The following KAT7 variants were observed in gnomAD, a reference collection of about 807,000 sequenced individuals.
KAT7 encodes lysine acetyltransferase 7, also known as histone acetyltransferase KAT7.
A neutral mutation model predicts 82.1 loss-of-function variants in KAT7; 10 were observed. That is an observed-to-expected ratio of 0.12 (90% CI 0.08 to 0.21). The LOEUF is 0.21. KAT7 is among the 10% of genes least tolerant of loss of function. The pLI, the probability that KAT7 is intolerant of heterozygous loss-of-function variation, is 1.00. For missense variants in KAT7, 378 were observed against 760.9 expected (o/e 0.50, Z 5.92); for synonymous variants, 250 against 262.5 (o/e 0.95, Z 0.46).
intron 9 of KAT7, among the ~76,000 whole-genome samples, chr17:49,819,765 A>G (rs1428743737): frequency 3.9e-5 from 6 of 152,180 alleles, no homozygotes; most frequent in African/African-American, 1.4e-4. Context: ...CTGTTTCTGA[A>G]CAAATAATAA....
chr17:49,821,233 G>T, intron 9 of KAT7, 104 bp from the exon 10 acceptor site: 1 of 753,460 alleles, frequency 1.3e-6, no homozygotes, highest in South Asian at 1.8e-5. Flanking sequence ...CCAACTGTCC[G>T]GTAGCTCAGT....
At chr17:49,802,122 T>C (rs541162386) in intron 4 of KAT7, among the ~76,000 whole-genome samples, 57 of 152,332 alleles carry the variant, frequency 3.7e-4, no homozygotes, top group African/African-American at 1.1e-3. Context: ...TTTCATTATA[T>C]TGATAGTTTA....
intron 4 of KAT7, among the ~76,000 whole-genome samples, chr17:49,804,533 T>G (rs1469948173): frequency 6.6e-6 from 1 of 152,180 alleles, no homozygotes. Flanking sequence ...CCTAGCACTT[T>G]GGGAGGCGGA....
chr17:49,812,798 G>C (rs2074184557), intron 7 of KAT7, among the ~76,000 whole-genome samples: 1 of 151,966 alleles, frequency 6.6e-6, no homozygotes, highest in Non-Finnish European at 1.5e-5. Flanking sequence ...CTGCCTCCTG[G>C]GTTCAAGCAG....
At chr17:49,815,955 G>A (rs1365618730) in intron 8 of KAT7, 42 bp downstream of exon 8, 2 of 1,170,172 alleles carry the variant, frequency 1.7e-6, no homozygotes, top group African/African-American at 3.0e-5. Context: ...CTTGTGAAAG[G>A]TGCTTAGAGT....
At chr17:49,800,569 G>T (rs781533760) in intron 4 of KAT7, among the ~76,000 whole-genome samples, 32 of 152,060 alleles carry the variant, frequency 2.1e-4, no homozygotes, top group Non-Finnish European at 4.1e-4. Context: ...CTCTGCTTCT[G>T]CTTGTTACTA....
chr17:49,807,359 GA>G (rs1284928140), intron 5 of KAT7, among the ~76,000 whole-genome samples: 5 of 152,176 alleles, frequency 3.3e-5, no homozygotes. Context: ...GGACGTGAAT[GA>G]TGGCAAAGAA....
At chr17:49,791,256 T>A (rs2073884560) in intron 1 of KAT7, among the ~76,000 whole-genome samples, 1 of 152,242 alleles carries the variant, frequency 6.6e-6, no homozygotes, top group Non-Finnish European at 1.5e-5. Context: ...CTACTCTAAG[T>A]TAAATGAGGT....
chr17:49,817,550 G>A (rs1256585606), intron 8 of KAT7, among the ~76,000 whole-genome samples: 2 of 152,120 alleles, frequency 1.3e-5, no homozygotes, highest in East Asian at 1.9e-4. Context: ...TCGGTTCACC[G>A]CAGCCTCTGC....
rs1166737457 is a variant in KAT7 at position 49,796,923 on chromosome 17, A to C, written c.337A>C (p.Arg113=). 1 of 1,614,032 alleles carries C rather than the reference A, an allele frequency of 6.2e-7. No homozygotes were observed. The highest frequency in any genetic ancestry group is 1.1e-5 in the South Asian group (1 of 91,080). ...ETEQVVDFSD[R]ETKNTADHDE... Reference sequence around the variant, plus strand: ...TGAGCAAGTGGTTGATTTTTCAGATAGAGGTGAGTGGGTATGGTATGACTT... The same window carrying C: ...TGAGCAAGTGGTTGATTTTTCAGATCGAGGTGAGTGGGTATGGTATGACTT... Residue 113 remains arginine (R), a synonymous_variant, in exon 3 of 15, where the codon AGA becomes CGA. Transcript: ENST00000259021.
intron 12 of KAT7, 113 bp from the exon 13 acceptor site, chr17:49,825,887 C>A: frequency 9.4e-7 from 1 of 1,064,178 alleles, no homozygotes; most frequent in Non-Finnish European, 1.4e-6. Flanking sequence ...ATGACTAAAT[C>A]CTAATGGAGT....
intron 5 of KAT7, among the ~76,000 whole-genome samples, chr17:49,805,755 T>C (rs895011945): frequency 2.0e-5 from 3 of 152,244 alleles, no homozygotes; most frequent in African/African-American, 4.8e-5. Context: ...TAGGGACTTA[T>C]TGCACTAAGG....
chr17:49,821,462 T>G lies in KAT7; in HGVS notation c.1245+36T>G, dbSNP rs753439751. On this transcript the variant is annotated intron_variant, in intron 10 of 14. Transcript: ENST00000259021. ...GTGACTTTAGAAAGGAGTTGAAATGTTGTATATTCACAGGTTTCAGAAGGC... is the reference window on the plus strand; with the variant it reads ...GTGACTTTAGAAAGGAGTTGAAATGGTGTATATTCACAGGTTTCAGAAGGC... 7.0e-6 allele frequency: 11 copies of G among 1,577,636 alleles called. No individual in the cohort carries two copies. The East Asian group carries it at 2.5e-4, about 35-fold the overall frequency.
intron 2 of KAT7, among the ~76,000 whole-genome samples, chr17:49,795,848 T>G (rs1419000794): frequency 1.3e-5 from 2 of 152,226 alleles, no homozygotes; most frequent in African/African-American, 4.8e-5. Context: ...GCAGTTGTGG[T>G]AAGAATCTAG....
In KAT7 at chr17:49,831,158, C is replaced by G. The variant is rs1270312028; in HGVS notation, c.*3656C>G. On this transcript the variant is annotated 3_prime_UTR_variant, in exon 15 of 15. Transcript: ENST00000259021. ...TCAGACGTGGGCACATGCCTGTAGT[C>G]TCAGCTACTTGGGAGGCTGAGGCAC... The G allele has an allele frequency of 6.6e-6, 1 of 152,284 alleles. No individual in the cohort carries two copies. Among genetic ancestry groups the G allele is most frequent in the African/African-American group, 2.4e-5 (1 of 41,442 alleles). 9.4% of individuals were successfully genotyped at this position (152,284 alleles called of 1,614,324 possible). A position where few individuals can be genotyped will look rare whatever the true frequency, so the allele number is the denominator to read the frequency against.
chr17:49,793,598 T>C (rs2073916757), intron 2 of KAT7, among the ~76,000 whole-genome samples: 1 of 148,448 alleles, frequency 6.7e-6, no homozygotes, highest in East Asian at 2.0e-4. Context: ...TTTTTTGAGA[T>C]GGAGTCTAGC....
intron 14 of KAT7, 78 bp from the exon 15 acceptor site, chr17:49,827,323 C>A: frequency 1.2e-6 from 1 of 835,272 alleles, no homozygotes; most frequent in Non-Finnish European, 2.1e-6. Flanking sequence ...TCCTTCTTGG[C>A]GGTTAGTTAT....
chr17:49,796,639 A>G, intron 2 of KAT7, 111 bp from the exon 3 acceptor site: 1 of 782,880 alleles, frequency 1.3e-6, no homozygotes, highest in Non-Finnish European at 2.0e-6. Flanking sequence ...GATTTGTTGG[A>G]TTTTGTGAAA....
rs548193166 is a variant in KAT7, at chr17:49,811,109, T to C, written c.754-367T>C. Among the ~76,000 whole-genome samples, 514 of 144,888 alleles carry C rather than the reference T, an allele frequency of 3.5e-3. 2 individuals carry two copies. Among genetic ancestry groups the C allele is most frequent in the African/African-American group, 0.012 (487 of 39,938 alleles). On this transcript the variant is annotated intron_variant, in intron 6 of 14. Transcript: ENST00000259021. ...TTTTTTTACATGTTTTGGTACCTTC[T>C]TTTTTTTTTTTGTTTTTGTGCCAGA...
Sources: allele counts gnomAD v4.1 joint callset (sites outside exome capture counted in the v4.1 genomes callset), GRCh38; gene constraint gnomAD v4.1.1; transcripts MANE v1.5; gene names NCBI Gene and HGNC (gene_info 2026-07-23, HGNC 2026-07-21).